ACOT11: variants seen among roughly 807,000 people sequenced by gnomAD.
ACOT11 encodes acyl-CoA thioesterase 11, also known as acyl-coenzyme A thioesterase 11.
A neutral mutation model predicts 77.5 loss-of-function variants in ACOT11; 69 were observed. The observed-to-expected ratio is 0.89, with a 90% CI of 0.73 to 1.09. The LOEUF (loss-of-function observed/expected upper bound fraction) is 1.09, where lower values mean the gene tolerates loss of function less well. ACOT11 is among the 50% of genes least tolerant of loss of function. The pLI, the probability that ACOT11 is intolerant of heterozygous loss-of-function variation, is 0.00. For missense variants in ACOT11, 766 were observed against 813.7 expected, an observed-to-expected ratio of 0.94 and a Z score of 0.71; for synonymous variants, 279 against 313.0, an observed-to-expected ratio of 0.89 and a Z score of 1.15.
exon 17 of ACOT11, chr1:54,635,081 A>G (rs1644323684): frequency 9.7e-6 from 3 of 309,352 alleles, no homozygotes; most frequent in Non-Finnish European, 1.8e-5. Context: ...ACCATAATAA[A>G]TCGGCTCCTA....
chr1:54,549,485 C>T (rs530667004), intron 1 of ACOT11, among the ~76,000 whole-genome samples: 70 of 152,340 alleles, frequency 4.6e-4, no homozygotes, highest in Admixed American at 1.2e-3. Context: ...CCCCAGCCTT[C>T]CTGCATCTCC....
intron 1 of ACOT11, chr1:54,548,599 C>T (rs535794100): frequency 2.5e-5 from 14 of 570,692 alleles, no homozygotes; most frequent in Non-Finnish European, 4.1e-5. Context: ...CAGCAAGTGT[C>T]GGCCTCTGGA....
In ACOT11 at chr1:54,607,063, C is replaced by T. The variant is rs2101006683; in HGVS notation, c.1371-71C>T. ...GCTCAGGCACTGCAGTGTGGCAGGG[C>T]CCGGGCAGACCCGCTGCTTGCATGG... On this transcript the variant is annotated intron_variant, in intron 13 of 15. Transcript: ENST00000343744. This position sits in a 1 kb window ranked among gnomAD's most constrained non-coding sequence, Gnocchi z 4.5. 24 of 1,595,856 alleles carry T rather than the reference C, an allele frequency of 1.5e-5. No individual in the cohort carries two copies. The highest frequency in any genetic ancestry group is 1.9e-5 in the Non-Finnish European group (22 of 1,170,884).
chr1:54,626,993 A>G (rs1644275696), intron 15 of ACOT11, among the ~76,000 whole-genome samples: 1 of 134,096 alleles, frequency 7.5e-6, no homozygotes, highest in Non-Finnish European at 1.7e-5. Context: ...AGTAGCTGGG[A>G]TTACAGGTGC....
chr1:54,609,146 C>G lies in ACOT11; in HGVS notation c.*34C>G. ...AGTGGCCACATCATGCCCACTCCCA[C>G]TCCATCCTGTCCCCAAGGACTCACA... On this transcript the variant is annotated 3_prime_UTR_variant, in exon 16 of 16. Transcript: ENST00000343744. 1 of 1,613,440 alleles carries G rather than the reference C, an allele frequency of 6.2e-7. No individual in the cohort carries two copies. Among genetic ancestry groups the G allele is most frequent in the Non-Finnish European group, 8.5e-7 (1 of 1,179,632 alleles).
chr1:54,615,899 A>G, intron 15 of ACOT11: 3 of 1,013,072 alleles, frequency 3.0e-6, no homozygotes. Context: ...GTGATGAGAA[A>G]GCCAAGGCAA....
intron 11 of ACOT11, 57 bp downstream of exon 11, chr1:54,603,994 C>T: frequency 1.3e-6 from 2 of 1,528,544 alleles, no homozygotes; most frequent in South Asian, 2.2e-5. Context: ...CCCACCCTTC[C>T]CTGCTTGTCA....
chr1:54,604,194 G>A (rs1047250905), intron 11 of ACOT11, 152 bp from the exon 12 acceptor site: 83 of 715,340 alleles, frequency 1.2e-4, no homozygotes, highest in South Asian at 1.8e-4. Context: ...CCTTCTCAAC[G>A]CCCAGGACTC....
chr1:54,576,302 G>A (rs948015525), intron 1 of ACOT11, among the ~76,000 whole-genome samples: 2 of 151,996 alleles, frequency 1.3e-5, no homozygotes, highest in Non-Finnish European at 2.9e-5. Flanking sequence ...AGGCTGAGGT[G>A]GGCAGATGGC....
At chr1:54,622,888 T>C (rs940512966) in intron 15 of ACOT11, among the ~76,000 whole-genome samples, 1 of 151,914 alleles carries the variant, frequency 6.6e-6, no homozygotes, top group African/African-American at 2.4e-5. Context: ...CAAGAAGAGC[T>C]GGTTGGCCAG....
At chr1:54,569,991 G>A (rs1188460322) in intron 1 of ACOT11, among the ~76,000 whole-genome samples, 1 of 152,154 alleles carries the variant, frequency 6.6e-6, no homozygotes, top group Non-Finnish European at 1.5e-5. Context: ...TATTTACTGA[G>A]CACTTACAAT....
At chr1:54,637,600 T>A (rs1437749310) in exon 17 of ACOT11, 1 of 152,160 alleles carries the variant, frequency 6.6e-6, no homozygotes, top group Non-Finnish European at 1.5e-5. Flanking sequence ...CTGGCCAACA[T>A]GGCGAAACCC....
Position 54,563,997 on chromosome 1 carries a change from C to T in ACOT11, c.33+15655C>T, listed in dbSNP as rs557975678. 1.1e-4 allele frequency among the ~76,000 whole-genome samples: 16 copies of T among 150,706 alleles called. No individual in the cohort carries two copies. In the South Asian group the frequency reaches 3.1e-3, roughly 30 times the overall value. On this transcript the variant is annotated intron_variant, in intron 1 of 15. Transcript: ENST00000343744. ...AGGAGAATCGCTTGAACCCAGAAGG[C>T]GGAGGTTGCAGTGAGCCGAGATTGT...
rs1035726861 is a variant in ACOT11, at chr1:54,619,777, A to G, written c.1630-10957A>G. The G allele has an allele frequency of 2.0e-5, 28 of 1,392,156 alleles. No homozygotes were observed. The South Asian group carries it at 3.1e-4, about 16-fold the overall frequency. 86.2% of individuals were successfully genotyped at this position (1,392,156 alleles called of 1,614,324 possible). A position where few individuals can be genotyped will look rare whatever the true frequency, so the allele number is the denominator to read the frequency against. ...ATGTAAACAGCCATCATGCCACCAC[A>G]GTGACCAGTGTCTGATCCTCACTTC... On this transcript the variant is annotated intron_variant, in intron 15 of 16. Transcript: ENST00000371316.
chr1:54,570,398 G>A (rs906546716), intron 1 of ACOT11, among the ~76,000 whole-genome samples: 1 of 152,194 alleles, frequency 6.6e-6, no homozygotes, highest in Non-Finnish European at 1.5e-5. Flanking sequence ...GGGCTGAAAG[G>A]CTCCATCTGA....
chr1:54,634,564 G>A (rs1260983455), intron 16 of ACOT11: 4 of 556,062 alleles, frequency 7.2e-6, no homozygotes, highest in African/African-American at 5.7e-5. Flanking sequence ...GGAAAAATAG[G>A]GATTACAGAA....
chr1:54,563,112 CCCGGGCGGCGCTCG>C (rs1653607709), intron 1 of ACOT11, among the ~76,000 whole-genome samples: 2 of 152,088 alleles, frequency 1.3e-5, no homozygotes, highest in Non-Finnish European at 2.9e-5. Context: ...GCCGCTGCCT[CCCGGGCGGCGCTCG>C]CTGGCGCGGC....
chr1:54,599,615 C>T (rs551914349), intron 8 of ACOT11, 200 bp downstream of exon 8: 12 of 487,918 alleles, frequency 2.5e-5, no homozygotes, highest in Non-Finnish European at 3.4e-5. Context: ...CCAGTCCTGC[C>T]CACCCCTGGC....
At position 54,577,303 on chromosome 1, in the gene ACOT11, A is replaced by G. The variant is rs185392309; in HGVS notation, c.34-7352A>G. On this transcript the variant is annotated intron_variant, in intron 1 of 15. Coordinates refer to ENST00000343744, the MANE Select transcript of ACOT11 (RefSeq NM_147161.4). Reference sequence around the variant, plus strand: ...CTTACTCATTAGGTAGTTTTTCCCCATTCCCTCTGCCCCCAGCCCCGGCAA... The same window carrying G: ...CTTACTCATTAGGTAGTTTTTCCCCGTTCCCTCTGCCCCCAGCCCCGGCAA... 3.2e-3 allele frequency among the ~76,000 whole-genome samples: 493 copies of G among 152,180 alleles called. 1 individual carries two copies. Among genetic ancestry groups the G allele is most frequent in the African/African-American group, 0.011 (448 of 41,532 alleles).
Sources: allele counts gnomAD v4.1 joint callset (sites outside exome capture counted in the v4.1 genomes callset), GRCh38; gene constraint gnomAD v4.1.1; non-coding constraint Gnocchi (gnomAD v3.1); transcripts MANE v1.5; gene names NCBI Gene and HGNC (gene_info 2026-07-23, HGNC 2026-07-21).